STT3B: variants seen among roughly 807,000 people sequenced by gnomAD.
The protein encoded by STT3B is STT3 oligosaccharyltransferase complex catalytic subunit B, also known as dolichyl-diphosphooligosaccharide--protein glycosyltransferase subunit STT3B.
STT3B carries 29 observed loss-of-function variants against 96.8 expected under a neutral mutation model. The ratio of observed to expected loss-of-function variants is 0.30; its 90% CI spans 0.22 to 0.41. The LOEUF (loss-of-function observed/expected upper bound fraction) is 0.41, where lower values mean the gene tolerates loss of function less well. Among genes scored for constraint, STT3B ranks in the 10% least tolerant of loss-of-function variants. The pLI is 1.00. For missense variants in STT3B, 640 were observed against 1,022.3 expected (o/e 0.63, Z 5.10); for synonymous variants, 367 against 360.0 (o/e 1.02, Z -0.22).
At chr3:31,600,801 C>A (rs1337953488) in intron 5 of STT3B, among the ~76,000 whole-genome samples, 1 of 152,046 alleles carries the variant, frequency 6.6e-6, no homozygotes, top group Non-Finnish European at 1.5e-5. Flanking sequence ...AGATTGACAT[C>A]CTCAAAGTAA....
intron 1 of STT3B, among the ~76,000 whole-genome samples, chr3:31,566,642 C>T (rs1208053771): frequency 6.6e-6 from 1 of 152,070 alleles, no homozygotes; most frequent in Non-Finnish European, 1.5e-5. Context: ...GCTGGTTACC[C>T]CCATCCTTAA....
intron 1 of STT3B, among the ~76,000 whole-genome samples, chr3:31,538,875 A>G (rs1168348475): frequency 6.6e-6 from 1 of 152,084 alleles, no homozygotes; most frequent in Non-Finnish European, 1.5e-5. Flanking sequence ...CTTCTTACCT[A>G]CTTCTGACCA....
chr3:31,623,993 A>G (rs1020479042), intron 11 of STT3B, 132 bp downstream of exon 11: 132 of 765,372 alleles, frequency 1.7e-4, no homozygotes, highest in Admixed American at 7.8e-4. Context: ...TTTTATTTTA[A>G]TTTTGGTAGG....
chr3:31,560,735 C>T (rs1242501338), intron 1 of STT3B, among the ~76,000 whole-genome samples: 6 of 152,070 alleles, frequency 3.9e-5, no homozygotes, highest in Non-Finnish European at 7.4e-5. Context: ...GTGGATAGAA[C>T]ATTTTGCATT....
intron 15 of STT3B, among the ~76,000 whole-genome samples, chr3:31,633,756 C>G (rs577873250): frequency 3.9e-4 from 60 of 152,006 alleles, no homozygotes; most frequent in Non-Finnish European, 7.2e-4. Flanking sequence ...ATAATTTTTG[C>G]TATAAAAGAT....
chr3:31,549,286 A>G (rs1441509384), intron 1 of STT3B, among the ~76,000 whole-genome samples: 1 of 151,576 alleles, frequency 6.6e-6, no homozygotes, highest in African/African-American at 2.4e-5. Flanking sequence ...ACAGTTGAGT[A>G]TCTGCTCATT....
chr3:31,612,311 A>C (rs528384337), intron 5 of STT3B, among the ~76,000 whole-genome samples: 1 of 152,346 alleles, frequency 6.6e-6, no homozygotes, highest in African/African-American at 2.4e-5. Context: ...TGATCCAAAA[A>C]ATGTGAAAAA....
Position 31,625,944 on chromosome 3 carries a change from A to C in STT3B, c.1900-10A>C, listed in dbSNP as rs544855415. On this transcript the variant is annotated splice_polypyrimidine_tract_variant and intron_variant, in intron 12 of 15. Coordinates refer to ENST00000295770, the MANE Select transcript of STT3B (RefSeq NM_178862.3). ...TCAAAAACATTCTCATTTTTTTTTA[A>C]ATTCTGCAGGTGGGAAAAGCTATGT... 18 of 1,557,010 alleles carry C rather than the reference A, an allele frequency of 1.2e-5. No individual in the cohort carries two copies. The East Asian group carries it at 4.1e-4, about 36-fold the overall frequency.
At chr3:31,590,161 TTTCTG>T (rs1296429760) in intron 3 of STT3B, among the ~76,000 whole-genome samples, 21 of 152,164 alleles carry the variant, frequency 1.4e-4, no homozygotes, top group African/African-American at 5.1e-4. Context: ...AGTCTTTGGA[TTTCTG>T]TACAATCTGT....
intron 3 of STT3B, among the ~76,000 whole-genome samples, chr3:31,585,386 A>G (rs1698514150): frequency 6.6e-6 from 1 of 152,122 alleles, no homozygotes; most frequent in Non-Finnish European, 1.5e-5. Context: ...TACCTTCCTT[A>G]TATAACTTAA....
chr3:31,634,430 G>T (rs1440380873), intron 15 of STT3B, among the ~76,000 whole-genome samples: 1 of 152,126 alleles, frequency 6.6e-6, no homozygotes, highest in East Asian at 1.9e-4. Flanking sequence ...CCAAATAAAT[G>T]TGAATGGATA....
chr3:31,553,638 A>T (rs1026198840), intron 1 of STT3B, among the ~76,000 whole-genome samples: 1 of 152,190 alleles, frequency 6.6e-6, no homozygotes, highest in Non-Finnish European at 1.5e-5. Context: ...TTTCATCATG[A>T]GGGTGATGTT....
intron 10 of STT3B, among the ~76,000 whole-genome samples, 177 bp downstream of exon 10, chr3:31,622,485 TC>T (rs367628473): frequency 2.6e-4 from 39 of 152,358 alleles, no homozygotes; most frequent in African/African-American, 9.4e-4. Context: ...GTCCTTTAGC[TC>T]AGAGTTAGAA....
intron 3 of STT3B, among the ~76,000 whole-genome samples, chr3:31,592,630 A>G (rs58801106): frequency 0.025 from 3,835 of 152,096 alleles, 157 homozygotes; most frequent in African/African-American, 0.086. Flanking sequence ...TAGTCATCCT[A>G]ATGGGTGTGA....
At chr3:31,616,858 T>A in intron 6 of STT3B, 71 bp from the exon 7 acceptor site, 1 of 1,390,990 alleles carries the variant, frequency 7.2e-7, no homozygotes, top group Non-Finnish European at 9.9e-7. Flanking sequence ...TAAGAAGCTC[T>A]TTCAAATGAA....
Position 31,623,826 on chromosome 3 carries a change from T to G in STT3B, c.1692T>G (p.Ser564Arg). The G allele has an allele frequency of 6.2e-7, 1 of 1,613,600 alleles. No homozygotes were observed. Reference protein sequence around the residue: ...CTWVTSNAYSSPSVVLASYNH... With the variant: ...CTWVTSNAYSRPSVVLASYNH... ...GGGTCACAAGCAATGCCTACTCTAG[T>G]CCAAGTGTAGTCCTGGCCTCATACA... Residue 564 changes from serine (S) to arginine (R), a missense_variant, in exon 11 of 16, where the codon AGT (serine) becomes AGG (arginine). By Grantham distance (110) the Ser-to-Arg change is moderately radical (BLOSUM62 -1). Around this residue, in one of 8 missense-constraint regions of STT3B, gnomAD observed 149 missense variants for 250.2 expected, o/e 0.60. Transcript: ENST00000295770.
At chr3:31,595,848 A>G (rs1162530073) in intron 3 of STT3B, among the ~76,000 whole-genome samples, 2 of 152,180 alleles carry the variant, frequency 1.3e-5, no homozygotes, top group African/African-American at 2.4e-5. Flanking sequence ...ATTGCCCTCA[A>G]AGTTCTGCCC....
chr3:31,567,761 T>C (rs1392563907), intron 1 of STT3B, among the ~76,000 whole-genome samples: 4 of 152,180 alleles, frequency 2.6e-5, no homozygotes, highest in African/African-American at 9.7e-5. Flanking sequence ...ATATGTGATG[T>C]TTTGGTACAG....
chr3:31,573,876 G>A (rs188331819), intron 1 of STT3B, among the ~76,000 whole-genome samples: 33 of 152,114 alleles, frequency 2.2e-4, no homozygotes, highest in Non-Finnish European at 3.7e-4. Context: ...GGTAGAGGAG[G>A]CTACCTATAC....
Sources: gnomAD v4.1 joint callset for allele counts (sites outside exome capture counted in the v4.1 genomes callset) on GRCh38, gnomAD v4.1.1 for gene constraint, gnomAD v4.1.1 regional missense constraint, MANE v1.5 for transcripts, NCBI Gene and HGNC (gene_info 2026-07-23, HGNC 2026-07-21) for gene names.